Variants in MYPN observed in about 807,000 individuals in gnomAD.
The protein encoded by MYPN is myopalladin, also known as sarcomeric protein myopalladin, 145 kDa (MYOP).
MYPN carries 63 observed loss-of-function variants against 129.4 expected under a neutral mutation model. That is an observed-to-expected ratio of 0.49 (90% CI 0.40 to 0.60). MYPN has a LOEUF of 0.60. Among genes scored for constraint, MYPN ranks in the 20% least tolerant of loss-of-function variants. The probability of loss-of-function intolerance (pLI) is 0.00; values close to 1 mark genes in which losing one functional copy is unlikely to be tolerated. For synonymous variants in MYPN, 629 were observed against 600.9 expected (o/e 1.05, Z -0.68); for missense variants, 1,596 against 1,635.4 (o/e 0.98, Z 0.42).
chr10:68,131,914 G>T (rs1484382017), intron 2 of MYPN, among the ~76,000 whole-genome samples: 1 of 152,080 alleles, frequency 6.6e-6, no homozygotes, highest in Admixed American at 6.6e-5. Context: ...TCCTTTGGAG[G>T]ACTTTTCCTC....
rs1160944611 is a variant in MYPN at position 68,140,506 on chromosome 10, GT to G, written c.903-2422del. ...CAGGTATTTGCATGACATAGTATAGGTTTTTTTTTTTTAGGTGAAGTTAGAA... is the reference window on the plus strand; with the variant it reads ...CAGGTATTTGCATGACATAGTATAGGTTTTTTTTTTTAGGTGAAGTTAGAA... On this transcript the variant is annotated intron_variant, in intron 2 of 19. Coordinates refer to ENST00000358913, the MANE Select transcript of MYPN (RefSeq NM_032578.4). 1.7e-3 allele frequency among the ~76,000 whole-genome samples: 243 copies of G among 145,936 alleles called. 2 individuals are homozygous for G. The highest frequency in any genetic ancestry group is 5.2e-3 in the South Asian group (24 of 4,576).
chr10:68,207,738 A>G (rs760048210), intron 19 of MYPN, among the ~76,000 whole-genome samples: 40 of 152,190 alleles, frequency 2.6e-4, no homozygotes, highest in Non-Finnish European at 4.3e-4. Flanking sequence ...ATTCAAAGTG[A>G]TACCTTTAAA....
Position 68,145,491 on chromosome 10 carries a change from C to G in MYPN, c.1095C>G (p.Asp365Glu), listed in dbSNP as rs1462280473. ...EIYIEGVSSS[D>E]SEGDPNKEEM... is the part of the protein sequence containing the mutation. ...TTTTTCCAGGGGTTTCTTCTTCTGACTCAGAAGGCGACCCTAACAAGGAAG... is the reference window on the plus strand; with the variant it reads ...TTTTTCCAGGGGTTTCTTCTTCTGAGTCAGAAGGCGACCCTAACAAGGAAG... Residue 365 changes from aspartate (D) to glutamate (E), a missense_variant, in exon 4 of 20, where the codon GAC (aspartate) becomes GAG (glutamate). Physicochemically the swap from Asp to Glu is conservative, Grantham distance 45 (BLOSUM62 2). Transcript: ENST00000358913. 1.2e-6 allele frequency: 2 copies of G among 1,613,490 alleles called. No individual in the cohort carries two copies. Among genetic ancestry groups the G allele is most frequent in the Admixed American group, 3.3e-5 (2 of 60,016 alleles).
intron 19 of MYPN, among the ~76,000 whole-genome samples, chr10:68,209,671 C>CTTTTTTTTTTTTTTTTTTGTTTTTTTT (rs35392300): frequency 7.6e-6 from 1 of 131,238 alleles, no homozygotes; most frequent in South Asian, 2.4e-4. Flanking sequence ...GAATTCTTTT[C>CTTTTTTTTTTTTTTTTTTGTTTTTTTT]TTTTTTTTTT....
At chr10:68,153,220 G>A (rs1215825961) in intron 6 of MYPN, among the ~76,000 whole-genome samples, 1 of 151,648 alleles carries the variant, frequency 6.6e-6, no homozygotes, top group Non-Finnish European at 1.5e-5. Flanking sequence ...TCCGATCTCA[G>A]GTAATCCGCC....
At chr10:68,155,175 C>A (rs2042849397) in intron 6 of MYPN, among the ~76,000 whole-genome samples, 1 of 151,942 alleles carries the variant, frequency 6.6e-6, no homozygotes, top group Non-Finnish European at 1.5e-5. Flanking sequence ...AGCAAGACTC[C>A]ATCTCAGAAA....
chr10:68,178,606 G>A (rs367994171), intron 12 of MYPN, among the ~76,000 whole-genome samples: 3 of 151,490 alleles, frequency 2.0e-5, no homozygotes, highest in Admixed American at 6.6e-5. Context: ...CCAACTACTC[G>A]GGAGGCTGAA....
In MYPN at chr10:68,151,298, G is replaced by T. The variant is rs146841668; in HGVS notation, c.1317+1187G>T. Among the ~76,000 whole-genome samples, 388 of 152,258 alleles carry T rather than the reference G, an allele frequency of 2.5e-3. 1 individual carries two copies. The highest frequency in any genetic ancestry group is 9.1e-3 in the African/African-American group (379 of 41,536). Reference sequence around the variant, plus strand: ...CAAAACCCAGAGTGGAGTCTAGAGCGAACAACCATGTTTACCAATATCCAT... The same window carrying T: ...CAAAACCCAGAGTGGAGTCTAGAGCTAACAACCATGTTTACCAATATCCAT... On this transcript the variant is annotated intron_variant, in intron 6 of 19. Transcript: ENST00000358913.
rs2043187165 is a variant in MYPN, at chr10:68,174,149, A to G, written c.2057A>G (p.Lys686Arg). 2 of 1,613,998 alleles carry G rather than the reference A, an allele frequency of 1.2e-6. No individual in the cohort carries two copies. ...CAAAACCCACCTCCTTCATCTCCTA[A>G]GGAGTTTCCTTTCAGCATGACTGTT... is the stretch of plus-strand genomic sequence containing the variant. The part of the protein sequence containing the change: ...QLQNPPPSSP[K>R]EFPFSMTVLN... The change falls in exon 11 of 20, where the codon AAG becomes AGG. Residue 686 changes from lysine to arginine, a missense_variant. Physicochemically the swap from Lys to Arg is conservative, Grantham distance 26 (BLOSUM62 2). Coordinates refer to ENST00000358913, the MANE Select transcript of MYPN (RefSeq NM_032578.4).
intron 10 of MYPN, among the ~76,000 whole-genome samples, chr10:68,169,181 TAAAAAAAAAAA>T (rs59317396): frequency 5.5e-5 from 5 of 91,068 alleles, no homozygotes; most frequent in Admixed American, 2.3e-4. Context: ...CCGTCTCTAC[TAAAAAAAAAAA>T]AAAAAAAAAA....
At chr10:68,180,576 G>A (rs1398267677) in intron 12 of MYPN, among the ~76,000 whole-genome samples, 2 of 152,230 alleles carry the variant, frequency 1.3e-5, no homozygotes, top group Non-Finnish European at 2.9e-5. Context: ...CTAACACACA[G>A]TGCTTTCTTT....
At chr10:68,190,167 G>T (rs1342297375) in intron 13 of MYPN, among the ~76,000 whole-genome samples, 1 of 151,552 alleles carries the variant, frequency 6.6e-6, no homozygotes, top group Non-Finnish European at 1.5e-5. Context: ...TATGTGTTTT[G>T]AGAAATGTCT....
At chr10:68,089,840 A>G (rs934162643) in intron 1 of MYPN, among the ~76,000 whole-genome samples, 7 of 152,172 alleles carry the variant, frequency 4.6e-5, no homozygotes, top group African/African-American at 1.7e-4. Context: ...GTTATATATA[A>G]TGAAATGATT....
At chr10:68,182,332 AACAC>A (rs1297453291) in intron 12 of MYPN, among the ~76,000 whole-genome samples, 1 of 30,436 alleles carries the variant, frequency 3.3e-5, no homozygotes, top group African/African-American at 8.0e-5. Flanking sequence ...ACATATATAT[AACAC>A]ACACATATAT....
chr10:68,125,423 G>C (rs1489723609), intron 2 of MYPN, among the ~76,000 whole-genome samples: 2 of 152,142 alleles, frequency 1.3e-5, no homozygotes, highest in African/African-American at 4.8e-5. Flanking sequence ...ATTAGATTAA[G>C]AATAGAATTA....
rs764564544 is a variant in MYPN, at chr10:68,211,055, A to G, written c.*600A>G. 2.2e-6 allele frequency: 1 copy of G among 454,074 alleles called. No individual in the cohort carries two copies. The highest frequency in any genetic ancestry group is 4.4e-6 in the Non-Finnish European group (1 of 226,790). The allele number at this position is 454,074 out of a possible 1,614,324, so 28.1% of individuals were successfully genotyped here. On this transcript the variant is annotated 3_prime_UTR_variant, in exon 20 of 20. Coordinates refer to ENST00000358913, the MANE Select transcript of MYPN (RefSeq NM_032578.4). ...CTGAGCCACATAATAAGGTGTCAAA[A>G]TGTGCTTGAGATTCCAAAAACTTGC...
At chr10:68,165,620 G>C in intron 8 of MYPN, 82 bp from the exon 9 acceptor site, 1 of 1,033,848 alleles carries the variant, frequency 9.7e-7, no homozygotes. Context: ...TGACTTTGTA[G>C]AATCATCATC....
chr10:68,109,428 A>G, upstream of MYPN: 1 of 443,440 alleles, frequency 2.3e-6, no homozygotes, highest in South Asian at 1.6e-5. Context: ...CTCCTGTCCA[A>G]TCAGGTGGAA....
At chr10:68,125,126 T>G (rs1346917427) in intron 2 of MYPN, among the ~76,000 whole-genome samples, 4 of 152,192 alleles carry the variant, frequency 2.6e-5, no homozygotes, top group African/African-American at 4.8e-5. Context: ...ATGAATTCAA[T>G]GCACCACTAA....
Sources: gnomAD v4.1 joint callset for allele counts (sites outside exome capture counted in the v4.1 genomes callset) on GRCh38, gnomAD v4.1.1 for gene constraint, MANE v1.5 for transcripts, NCBI Gene and HGNC (gene_info 2026-07-23, HGNC 2026-07-21) for gene names.